Variants in TRIM39 observed in about 807,000 individuals in gnomAD.
The protein encoded by TRIM39 is E3 ubiquitin-protein ligase TRIM39.
In TRIM39, 5 loss-of-function variants were observed where a neutral mutation model predicts 53.6. The ratio of observed to expected loss-of-function variants is 0.09; its 90% CI spans 0.05 to 0.20. TRIM39 has a LOEUF of 0.20. Ranked by LOEUF, TRIM39 falls within the 10% of genes least tolerant of loss-of-function variation. The probability of loss-of-function intolerance (pLI) is 1.00; values close to 1 mark genes in which losing one functional copy is unlikely to be tolerated. For synonymous variants in TRIM39, 196 were observed against 237.6 expected, an observed-to-expected ratio of 0.82 and a Z score of 1.61; for missense variants, 310 against 621.0, an observed-to-expected ratio of 0.50 and a Z score of 5.32.
At chr6:30,331,758 C>G (rs972717361) in intron 4 of TRIM39, among the ~76,000 whole-genome samples, 13 of 152,168 alleles carry the variant, frequency 8.5e-5, no homozygotes, top group African/African-American at 3.1e-4. Context: ...CTTTCCTGAC[C>G]CTTCAGAAAT....
At chr6:30,331,028 TG>T in intron 4 of TRIM39, 152 bp downstream of exon 4, 1 of 947,688 alleles carries the variant, frequency 1.1e-6, no homozygotes, top group South Asian at 1.7e-5. Context: ...CCAGCAATTC[TG>T]GAGGCCAAGG....
At chr6:30,327,513 A>T (rs1266120896) in intron 1 of TRIM39, 2 of 152,744 alleles carry the variant, frequency 1.3e-5, no homozygotes, top group Non-Finnish European at 2.9e-5. Flanking sequence ...TTTGCCCTTC[A>T]GCTGAGACAC....
At position 30,339,999 on chromosome 6, in the gene TRIM39, T is replaced by C. The variant is rs947532957; in HGVS notation, c.803+69T>C. 5 of 1,611,546 alleles carry C rather than the reference T, an allele frequency of 3.1e-6. No individual in the cohort carries two copies. The highest frequency in any genetic ancestry group is 4.2e-6 in the Non-Finnish European group (5 of 1,178,598). The stretch of plus-strand genomic sequence containing the variant: ...TAGAGAGGAGGGGTACAGTCAGGAG[T>C]TTGGGTTGGGGGTGAGGTTGGGAAA... On this transcript the variant is annotated intron_variant, in intron 6 of 7. Transcript: ENST00000396551. This position sits in a 1 kb window ranked among gnomAD's most constrained non-coding sequence, Gnocchi z 4.2.
chr6:30,336,867 A>G (rs1315297710), intron 5 of TRIM39, among the ~76,000 whole-genome samples: 1 of 152,228 alleles, frequency 6.6e-6, no homozygotes, highest in Non-Finnish European at 1.5e-5. Context: ...TACTTTGCCT[A>G]GATCTATCAG....
Position 30,335,821 on chromosome 6 carries a change from A to T in TRIM39, c.626A>T (p.Gln209Leu). The T allele has an allele frequency of 6.2e-7, 1 of 1,612,968 alleles. No homozygotes were observed. The highest frequency in any genetic ancestry group is 1.1e-5 in the South Asian group (1 of 91,054). ...CATAGGCGGCTGGATGAAGAGCAGC[A>T]GGTGTTGCTTTCACGACTGGAAGAA... Residue 209 changes from glutamine to leucine, a missense_variant, in exon 5 of 8, where the codon CAG (glutamine) becomes CTG (leucine). Gln to Leu is a moderately radical substitution (Grantham distance 113). Around this residue, in one of 5 missense-constraint regions of TRIM39, gnomAD observed 161 missense variants for 210.0 expected, o/e 0.77. Transcript: ENST00000396551. This position sits in a 1 kb window ranked among gnomAD's most constrained non-coding sequence, Gnocchi z 4.7.
At chr6:30,341,500 T>C in intron 7 of TRIM39, 1 of 789,872 alleles carries the variant, frequency 1.3e-6, no homozygotes. Context: ...CAAGAGATTA[T>C]TATCTGTTTA....
At chr6:30,340,781 C>T (rs2127412278) in intron 7 of TRIM39, among the ~76,000 whole-genome samples, 161 bp downstream of exon 7, 1 of 152,338 alleles carries the variant, frequency 6.6e-6, no homozygotes, top group African/African-American at 2.4e-5. Flanking sequence ...AGTCACAGAA[C>T]TTGGAGTGAG....
rs539587786 is a variant in TRIM39 at position 30,339,125 on chromosome 6, A to G, written c.781-783A>G. ...CCCCAAGTATTCACAAATCAGTATT[A>G]GCACACAGTTATTAATGTGTTTATT... On this transcript the variant is annotated intron_variant, in intron 5 of 7. Coordinates refer to ENST00000396551, the Ensembl canonical transcript of TRIM39. The surrounding 1 kb of genome is among the most constrained non-coding windows in gnomAD (Gnocchi z 4.2). 2.0e-5 allele frequency among the ~76,000 whole-genome samples: 3 copies of G among 151,348 alleles called. No individual in the cohort carries two copies. The East Asian group carries it at 5.8e-4, about 29-fold the overall frequency.
rs1001995205 is a variant in TRIM39 at position 30,342,662 on chromosome 6, A to G, written c.*403A>G. 3 of 259,590 alleles carry G rather than the reference A, an allele frequency of 1.2e-5. No individual in the cohort carries two copies. The highest frequency in any genetic ancestry group is 2.2e-5 in the Non-Finnish European group (3 of 135,730). 16.1% of individuals were successfully genotyped at this position (259,590 alleles called of 1,614,324 possible). ...TTTAGGGGGTTCTTTGACCCAGGAT[A>G]GTCTTGCTTCTTGAGGTAGATCACA... On this transcript the variant is annotated 3_prime_UTR_variant, in exon 8 of 8. Transcript: ENST00000396551. This position sits in a 1 kb window ranked among gnomAD's most constrained non-coding sequence, Gnocchi z 4.7.
At chr6:30,330,946 A>T (rs1314390692) in intron 4 of TRIM39, 70 bp downstream of exon 4, 1 of 1,533,238 alleles carries the variant, frequency 6.5e-7, no homozygotes, top group East Asian at 2.3e-5. Flanking sequence ...ACTGTACACT[A>T]TTTAATCCAC....
intron 3 of TRIM39, 94 bp from the exon 4 acceptor site, chr6:30,330,687 A>G: frequency 7.3e-7 from 1 of 1,364,746 alleles, no homozygotes; most frequent in Non-Finnish European, 1.0e-6. Context: ...TAGGAAGCAA[A>G]TAAATGGTTT....
intron 3 of TRIM39, 137 bp from the exon 4 acceptor site, chr6:30,330,640 CAAGG>C (rs1419946175): frequency 2.4e-6 from 2 of 845,224 alleles, no homozygotes; most frequent in East Asian, 5.4e-5. Flanking sequence ...AAATGACAGG[CAAGG>C]AAGGAAGTCA....
chr6:30,334,062 T>G (rs1473104920), intron 4 of TRIM39, among the ~76,000 whole-genome samples: 1 of 152,218 alleles, frequency 6.6e-6, no homozygotes, highest in Non-Finnish European at 1.5e-5. Context: ...TTTGTTCAGA[T>G]GTACACTGAG....
At chr6:30,330,944 C>T in intron 4 of TRIM39, 68 bp downstream of exon 4, 2 of 1,531,316 alleles carry the variant, frequency 1.3e-6, no homozygotes, top group East Asian at 4.6e-5. Context: ...TAACTGTACA[C>T]TATTTAATCC....
In TRIM39 at chr6:30,342,061, G is replaced by A. The variant is rs749654906; in HGVS notation, c.1269G>A (p.Val423=). 1.9e-6 allele frequency: 3 copies of A among 1,613,034 alleles called. No individual in the cohort carries two copies. The highest frequency in any genetic ancestry group is 2.5e-6 in the Non-Finnish European group (3 of 1,180,024). The stretch of plus-strand genomic sequence containing the variant: ...CTTTTACCCCTTTGCACATCAAGGT[G>A]AAACCCAAGCGGGTAGGCATATTCC... The change falls in exon 8 of 8, where the codon GTG becomes GTA. Residue 423 remains valine, a synonymous_variant. Coordinates refer to ENST00000396551, the Ensembl canonical transcript of TRIM39. The surrounding 1 kb of genome is among the most constrained non-coding windows in gnomAD (Gnocchi z 4.7).
At position 30,338,292 on chromosome 6, in the gene TRIM39, G is replaced by A. The variant is rs995704202; in HGVS notation, c.781-1616G>A. 6.6e-6 allele frequency among the ~76,000 whole-genome samples: 1 copy of A among 152,142 alleles called. No homozygotes were observed. The highest frequency in any genetic ancestry group is 6.6e-5 in the Admixed American group (1 of 15,262). On this transcript the variant is annotated intron_variant, in intron 5 of 7. Coordinates refer to ENST00000396551, the Ensembl canonical transcript of TRIM39. The surrounding 1 kb of genome is among the most constrained non-coding windows in gnomAD (Gnocchi z 4.0). ...CTTTCAGCCCATCTTGGCTTTCAAT[G>A]TGCCTTTCTCACTAAGCTTAAACAT... is the stretch of plus-strand genomic sequence containing the variant.
Position 30,342,250 on chromosome 6 carries a change from T to C in TRIM39, c.1458T>C (p.Asp486=). 1 of 1,612,468 alleles carries C rather than the reference T, an allele frequency of 6.2e-7. No homozygotes were observed. The highest frequency in any genetic ancestry group is 8.5e-7 in the Non-Finnish European group (1 of 1,179,734). The change falls in exon 8 of 8, where the codon GAT becomes GAC. Residue 486 remains aspartate, a synonymous_variant. Transcript: ENST00000396551. The surrounding 1 kb of genome is among the most constrained non-coding windows in gnomAD (Gnocchi z 4.7). ...CACTTACCATCAGGCCCCCAACAGA[T>C]TGGGAGTGACAGGTTGGGATGTGGG...
At chr6:30,341,369 C>T (rs1292287554) in intron 7 of TRIM39, 2 of 597,332 alleles carry the variant, frequency 3.3e-6, no homozygotes, top group Non-Finnish European at 3.2e-6. Context: ...TAACACTTTC[C>T]GTTTTTTTCT....
At chr6:30,343,089 A>G (rs1224666703) in exon 8 of TRIM39, 1 of 152,672 alleles carries the variant, frequency 6.5e-6, no homozygotes, top group African/African-American at 2.4e-5. Context: ...ATCCTTTCAC[A>G]GTGTTCCCAA....
Sources: gnomAD v4.1 joint callset for allele counts (sites outside exome capture counted in the v4.1 genomes callset) on GRCh38, gnomAD v4.1.1 for gene constraint, gnomAD v4.1.1 regional missense constraint, Gnocchi (gnomAD v3.1) non-coding constraint, MANE v1.5 for transcripts, NCBI Gene and HGNC (gene_info 2026-07-23, HGNC 2026-07-21) for gene names.